PDGFC: variants seen among roughly 807,000 people sequenced by gnomAD.
PDGFC encodes the protein platelet-derived growth factor C.
PDGFC carries 12 observed loss-of-function variants against 35.5 expected under a neutral mutation model. The observed-to-expected ratio is 0.34, with a 90% CI of 0.22 to 0.55. The LOEUF (loss-of-function observed/expected upper bound fraction) is 0.55, where lower values mean the gene tolerates loss of function less well. PDGFC is among the 20% of genes least tolerant of loss of function. The pLI is 0.91. For missense variants in PDGFC, 322 were observed against 412.4 expected, an observed-to-expected ratio of 0.78 and a Z score of 1.90; for synonymous variants, 159 against 148.8, an observed-to-expected ratio of 1.07 and a Z score of -0.50.
intron 1 of PDGFC, among the ~76,000 whole-genome samples, chr4:156,961,604 C>T (rs1732345042): frequency 2.6e-5 from 4 of 152,110 alleles, no homozygotes; most frequent in South Asian, 2.1e-4. Context: ...TTTATATACA[C>T]GGGACCCGAA....
intron 1 of PDGFC, among the ~76,000 whole-genome samples, chr4:156,946,404 G>T (rs576202595): frequency 6.6e-6 from 1 of 151,966 alleles, no homozygotes; most frequent in Non-Finnish European, 1.5e-5. Context: ...CATCCAAGAT[G>T]ATTTCATTTA....
intron 4 of PDGFC, among the ~76,000 whole-genome samples, chr4:156,769,474 G>A (rs1560803686): frequency 6.6e-6 from 1 of 151,856 alleles, no homozygotes; most frequent in African/African-American, 2.4e-5. Context: ...CTATATGATA[G>A]ACTAAAACCT....
intron 1 of PDGFC, among the ~76,000 whole-genome samples, chr4:156,882,198 C>A (rs1450962765): frequency 2.0e-5 from 3 of 152,050 alleles, no homozygotes; most frequent in African/African-American, 4.8e-5. Flanking sequence ...AAAATCAATT[C>A]TTTAAGTTGA....
chr4:156,902,766 T>C (rs1212278146), intron 1 of PDGFC, among the ~76,000 whole-genome samples: 3 of 152,176 alleles, frequency 2.0e-5, no homozygotes, highest in Non-Finnish European at 2.9e-5. Flanking sequence ...AACTTAAATA[T>C]TCATGTGGCA....
At chr4:156,804,833 C>A (rs1007415742) in intron 3 of PDGFC, among the ~76,000 whole-genome samples, 1 of 151,950 alleles carries the variant, frequency 6.6e-6, no homozygotes, top group Non-Finnish European at 1.5e-5. Flanking sequence ...CATTTTAACT[C>A]CAAGCTTTTA....
intron 1 of PDGFC, among the ~76,000 whole-genome samples, chr4:156,903,917 C>A (rs1039344901): frequency 1.1e-4 from 16 of 152,132 alleles, no homozygotes; most frequent in African/African-American, 3.9e-4. Flanking sequence ...GCTGTACTGG[C>A]CTTTAGGCCA....
intron 1 of PDGFC, among the ~76,000 whole-genome samples, chr4:156,961,462 T>C (rs78063669): frequency 6.6e-6 from 1 of 152,130 alleles, no homozygotes; most frequent in Non-Finnish European, 1.5e-5. Context: ...TAAAATAGTA[T>C]CCACTCATGA....
chr4:156,865,180 A>G (rs866445448), intron 1 of PDGFC, among the ~76,000 whole-genome samples: 6 of 138,448 alleles, frequency 4.3e-5, no homozygotes, highest in African/African-American at 9.1e-5. Flanking sequence ...ATTAGAAGAT[A>G]CATGTGCACA....
intron 2 of PDGFC, among the ~76,000 whole-genome samples, chr4:156,813,972 C>A (rs1732010991): frequency 6.6e-6 from 1 of 152,072 alleles, no homozygotes; most frequent in Non-Finnish European, 1.5e-5. Context: ...AGCACCTACA[C>A]CCCAGGCACA....
At chr4:156,876,032 A>G (rs1398261909) in intron 1 of PDGFC, among the ~76,000 whole-genome samples, 2 of 152,214 alleles carry the variant, frequency 1.3e-5, no homozygotes, top group East Asian at 3.9e-4. Context: ...CCTAAGAATG[A>G]CAGCTGCTCC....
Position 156,971,014 on chromosome 4 carries a change from C to A in PDGFC, c.-111G>T. 1 of 681,588 alleles carries A rather than the reference C, an allele frequency of 1.5e-6. No homozygotes were observed. The highest frequency in any genetic ancestry group is 2.6e-6 in the Non-Finnish European group (1 of 383,642). The allele number at this position is 681,588 out of a possible 1,614,324, so 42.2% of individuals were successfully genotyped here. Reference sequence around the variant, plus strand: ...GCTGCACTGGGGTGGAAGCGCCGAGCCTGCTCTGGCAGCAGAGAATCGCAG... The same window carrying A: ...GCTGCACTGGGGTGGAAGCGCCGAGACTGCTCTGGCAGCAGAGAATCGCAG... On this transcript the variant is annotated 5_prime_UTR_variant, in exon 1 of 6. Transcript: ENST00000502773.
At chr4:156,850,848 T>C (rs1729436553) in intron 1 of PDGFC, among the ~76,000 whole-genome samples, 1 of 152,028 alleles carries the variant, frequency 6.6e-6, no homozygotes, top group African/African-American at 2.4e-5. Flanking sequence ...AGAGCTACAG[T>C]CAACTAATTA....
At position 156,890,931 on chromosome 4, in the gene PDGFC, A is replaced by G. The variant is rs116069865; in HGVS notation, c.119-40515T>C. On this transcript the variant is annotated intron_variant, in intron 1 of 5. Coordinates refer to ENST00000502773, the MANE Select transcript of PDGFC (RefSeq NM_016205.3). ...AATATGTGTATATGTGTGTGTGTGT[A>G]TATACATTCACGTGTCCCTTAAGGA... 9.8e-3 allele frequency among the ~76,000 whole-genome samples: 1,495 copies of G among 152,188 alleles called. 25 individuals carry two copies. The highest frequency in any genetic ancestry group is 0.035 in the African/African-American group (1,437 of 41,512).
chr4:156,966,544 G>A (rs1298722711), intron 1 of PDGFC, among the ~76,000 whole-genome samples: 1 of 151,742 alleles, frequency 6.6e-6, no homozygotes, highest in Non-Finnish European at 1.5e-5. Context: ...CACAAAGGGT[G>A]CAAAAGTTTA....
Position 156,914,667 on chromosome 4 carries a change from G to T in PDGFC, c.118+56119C>A, listed in dbSNP as rs573533703. Among the ~76,000 whole-genome samples the T allele has an allele frequency of 4.6e-5, 7 of 152,248 alleles. No individual in the cohort carries two copies. The East Asian group carries it at 1.4e-3, about 29-fold the overall frequency. On this transcript the variant is annotated intron_variant, in intron 1 of 5. Transcript: ENST00000502773. The stretch of plus-strand genomic sequence containing the variant: ...TAGCCGAAAGCCATGTTCAAACGTG[G>T]TTAAGTAAAGCAAGCTGGCATCATC...
At chr4:156,828,501 G>A (rs547584724) in intron 2 of PDGFC, among the ~76,000 whole-genome samples, 1 of 152,048 alleles carries the variant, frequency 6.6e-6, no homozygotes, top group Non-Finnish European at 1.5e-5. Context: ...TCTAATTTAA[G>A]GTACAAGAAT....
Position 156,943,947 on chromosome 4 carries a change from G to T in PDGFC, c.118+26839C>A, listed in dbSNP as rs188895239. ...GGCTTTCCCTTAAAACAAATATGTT[G>T]TGTTAGTAAGAATAAACTCCAAGGT... On this transcript the variant is annotated intron_variant, in intron 1 of 5. Transcript: ENST00000502773. 2.3e-4 allele frequency among the ~76,000 whole-genome samples: 35 copies of T among 152,174 alleles called. 1 individual carries two copies. Among genetic ancestry groups the T allele is most frequent in the Admixed American group, 1.6e-3 (25 of 15,278 alleles).
chr4:156,770,541 T>C (rs1730667115), intron 4 of PDGFC: 2 of 152,048 alleles, frequency 1.3e-5, no homozygotes, highest in African/African-American at 2.4e-5. Context: ...TACCAAAGGA[T>C]ACTTTTTGAA....
intron 1 of PDGFC, among the ~76,000 whole-genome samples, chr4:156,907,175 T>C (rs1579091674): frequency 6.6e-6 from 1 of 152,308 alleles, no homozygotes; most frequent in East Asian, 1.9e-4. Flanking sequence ...TGATAGACTT[T>C]TAAAGAGATG....
Sources: gnomAD v4.1 joint callset for allele counts (sites outside exome capture counted in the v4.1 genomes callset) on GRCh38, gnomAD v4.1.1 for gene constraint, MANE v1.5 for transcripts, NCBI Gene and HGNC (gene_info 2026-07-23, HGNC 2026-07-21) for gene names.